The following WDR33 variants were observed in gnomAD, a reference collection of about 807,000 sequenced individuals.
WDR33 encodes pre-mRNA 3' end processing protein WDR33.
WDR33 carries 47 observed loss-of-function variants against 164.9 expected under a neutral mutation model. That is an observed-to-expected ratio of 0.29 (90% CI 0.23 to 0.36). The LOEUF is 0.36. Among genes scored for constraint, WDR33 ranks in the 10% least tolerant of loss-of-function variants. The pLI, the probability that WDR33 is intolerant of heterozygous loss-of-function variation, is 1.00. For synonymous variants in WDR33, 505 were observed against 589.0 expected, an observed-to-expected ratio of 0.86 and a Z score of 2.06; for missense variants, 1,137 against 1,754.1, an observed-to-expected ratio of 0.65 and a Z score of 6.28.
chr2:127,762,857 A>T, intron 7 of WDR33: 1 of 1,377,520 alleles, frequency 7.3e-7, no homozygotes, highest in Middle Eastern at 2.8e-4. Context: ...ACAGCTGAAA[A>T]ATTCAAAGAT....
At chr2:127,792,829 G>C (rs1374916924) in intron 1 of WDR33, among the ~76,000 whole-genome samples, 1 of 152,048 alleles carries the variant, frequency 6.6e-6, no homozygotes, top group Non-Finnish European at 1.5e-5. Flanking sequence ...TGTTATCTTA[G>C]GAGAAAATAT....
intron 7 of WDR33, among the ~76,000 whole-genome samples, chr2:127,749,839 CTTT>C (rs1286010102): frequency 1.4e-5 from 2 of 140,732 alleles, no homozygotes; most frequent in Admixed American, 7.1e-5. Flanking sequence ...ATTTCACAGG[CTTT>C]TTTTTTTTTT....
At chr2:127,756,544 A>T (rs924489739) in intron 7 of WDR33, among the ~76,000 whole-genome samples, 3 of 152,148 alleles carry the variant, frequency 2.0e-5, no homozygotes, top group African/African-American at 7.2e-5. Flanking sequence ...GCCTTTCCAA[A>T]GCTCAGAATT....
chr2:127,726,145 A>G lies in WDR33; in HGVS notation c.851+506T>C, dbSNP rs1184437116. Among the ~76,000 whole-genome samples the G allele has an allele frequency of 1.3e-5, 2 of 152,234 alleles. No homozygotes were observed. The highest frequency in any genetic ancestry group is 2.9e-5 in the Non-Finnish European group (2 of 68,034). On this transcript the variant is annotated intron_variant, in intron 8 of 21. Transcript: ENST00000322313. This position sits in a 1 kb window ranked among gnomAD's most constrained non-coding sequence, Gnocchi z 4.8. ...GATGCTTGGTCAAAAAAATGTTAAC[A>G]TATGCATGTAGCTGTGAATGTTCAC...
Position 127,719,138 on chromosome 2 carries a change from T to G in WDR33, c.2760+127A>C. 8.3e-7 allele frequency: 1 copy of G among 1,199,362 alleles called. No homozygotes were observed. The highest frequency in any genetic ancestry group is 1.1e-6 in the Non-Finnish European group (1 of 932,040). 74.3% of individuals were successfully genotyped at this position (1,199,362 alleles called of 1,614,324 possible). On this transcript the variant is annotated intron_variant, in intron 16 of 21. Transcript: ENST00000322313. The surrounding 1 kb of genome is among the most constrained non-coding windows in gnomAD (Gnocchi z 6.5). ...TTCTTCAGCCAGGATGCTAGTATCT[T>G]AAGCTACTGTCACTACTTGATAAGT...
Position 127,706,010 on chromosome 2 carries a change from G to T in WDR33, c.*313C>A. On this transcript the variant is annotated 3_prime_UTR_variant, in exon 22 of 22. Transcript: ENST00000322313. This position sits in a 1 kb window ranked among gnomAD's most constrained non-coding sequence, Gnocchi z 5.1. ...ACACATAGAAACAAATTTCCAAATG[G>T]ACAGGAACTTAAATTTGTGGAGATG... is the stretch of plus-strand genomic sequence containing the variant. 1 of 321,588 alleles carries T rather than the reference G, an allele frequency of 3.1e-6. No homozygotes were observed. Among genetic ancestry groups the T allele is most frequent in the East Asian group, 4.9e-5 (1 of 20,592 alleles). The allele number at this position is 321,588 out of a possible 1,614,324, so 19.9% of individuals were successfully genotyped here. A position where few individuals can be genotyped will look rare whatever the true frequency, so the allele number is the denominator to read the frequency against.
At chr2:127,737,007 T>C in intron 7 of WDR33, 1 of 985,258 alleles carries the variant, frequency 1.0e-6, no homozygotes. Flanking sequence ...TGCCTGAGGG[T>C]GTATAAAATG....
intron 1 of WDR33, among the ~76,000 whole-genome samples, chr2:127,773,604 T>G (rs1573439707): frequency 6.6e-6 from 1 of 152,230 alleles, no homozygotes; most frequent in East Asian, 1.9e-4. Flanking sequence ...TGTGTGTGAA[T>G]TAAACGGCAG....
intron 4 of WDR33, 83 bp from the exon 5 acceptor site, chr2:127,765,352 C>A: frequency 2.2e-6 from 2 of 910,212 alleles, no homozygotes; most frequent in Non-Finnish European, 1.7e-6. Context: ...GTAAAACATG[C>A]AATAACTGAC....
At chr2:127,778,863 T>G (rs1038061948) in intron 1 of WDR33, among the ~76,000 whole-genome samples, 1 of 152,210 alleles carries the variant, frequency 6.6e-6, no homozygotes, top group Non-Finnish European at 1.5e-5. Flanking sequence ...AATTTCTGAC[T>G]ACCATTTGAA....
At chr2:127,766,948 G>C (rs568525850) in intron 4 of WDR33, among the ~76,000 whole-genome samples, 1 of 152,046 alleles carries the variant, frequency 6.6e-6, no homozygotes. Context: ...TAGTAAACAC[G>C]AGGTTTCATC....
At chr2:127,787,559 G>C (rs1223948624) in intron 1 of WDR33, among the ~76,000 whole-genome samples, 1 of 109,108 alleles carries the variant, frequency 9.2e-6, no homozygotes, top group Non-Finnish European at 1.9e-5. Context: ...CCTCCCTCCC[G>C]GACGGGGCGG....
At chr2:127,742,045 A>C (rs1687032245) in intron 7 of WDR33, among the ~76,000 whole-genome samples, 1 of 151,960 alleles carries the variant, frequency 6.6e-6, no homozygotes, top group African/African-American at 2.4e-5. Flanking sequence ...TACTAAAAAT[A>C]CAAAAAATTA....
At chr2:127,743,795 G>A (rs1035998484) in intron 7 of WDR33, among the ~76,000 whole-genome samples, 7 of 152,262 alleles carry the variant, frequency 4.6e-5, no homozygotes, top group Non-Finnish European at 8.8e-5. Context: ...TGACAAAAAC[G>A]AGGAGGTAGG....
chr2:127,725,946 T>C (rs1686562861), intron 8 of WDR33, among the ~76,000 whole-genome samples: 1 of 152,070 alleles, frequency 6.6e-6, no homozygotes, highest in African/African-American at 2.4e-5. Flanking sequence ...TGAAAGTTAA[T>C]TTGAACTAAA....
intron 7 of WDR33, among the ~76,000 whole-genome samples, chr2:127,729,465 G>C (rs1054579043): frequency 6.6e-6 from 1 of 151,916 alleles, no homozygotes; most frequent in Admixed American, 6.6e-5. Context: ...GTACCTAGCA[G>C]ACAGTGAATT....
intron 1 of WDR33, among the ~76,000 whole-genome samples, chr2:127,788,626 C>T (rs1272706787): frequency 0.015 from 1,852 of 126,668 alleles, no homozygotes; most frequent in Middle Eastern, 0.019. Flanking sequence ...ACCTCCCGGA[C>T]GGGGCGGCTG....
chr2:127,757,841 A>T (rs142053793), intron 7 of WDR33, among the ~76,000 whole-genome samples: 117 of 152,342 alleles, frequency 7.7e-4, no homozygotes, highest in African/African-American at 2.2e-3. Context: ...CAGTTCAAAA[A>T]CACACTGCCA....
intron 1 of WDR33, among the ~76,000 whole-genome samples, chr2:127,774,015 ACAGGCATGAGCCACCACGCC>A (rs1417807707): frequency 4.0e-5 from 6 of 148,576 alleles, no homozygotes; most frequent in Non-Finnish European, 7.4e-5. Flanking sequence ...TGCTGGGATT[ACAGGCATGAGCCACCACGCC>A]CAGCCCAAAA....
Sources: allele counts gnomAD v4.1 joint callset (sites outside exome capture counted in the v4.1 genomes callset), GRCh38; gene constraint gnomAD v4.1.1; non-coding constraint Gnocchi (gnomAD v3.1); transcripts MANE v1.5; gene names NCBI Gene and HGNC (gene_info 2026-07-23, HGNC 2026-07-21).